Variants in OBI1 observed in about 807,000 individuals in gnomAD.
The protein encoded by OBI1 is ring finger protein 219.
In OBI1, 59 loss-of-function variants were observed where a neutral mutation model predicts 62.4. That is an observed-to-expected ratio of 0.95 (90% CI 0.77 to 1.17). The LOEUF (loss-of-function observed/expected upper bound fraction) is 1.17, where lower values mean the gene tolerates loss of function less well. Ranked by LOEUF, OBI1 falls within the 50% of genes most tolerant of loss-of-function variation. The probability of loss-of-function intolerance (pLI) is 0.00; values close to 1 mark genes in which losing one functional copy is unlikely to be tolerated. For synonymous variants in OBI1, 302 were observed against 292.8 expected, an observed-to-expected ratio of 1.03 and a Z score of -0.32; for missense variants, 875 against 830.9, an observed-to-expected ratio of 1.05 and a Z score of -0.65.
intron 3 of OBI1, 91 bp from the exon 4 acceptor site, chr13:78,639,162 G>C: frequency 7.5e-7 from 1 of 1,335,638 alleles, no homozygotes; most frequent in Non-Finnish European, 1.0e-6. Flanking sequence ...TTTGAATTTT[G>C]TACTTAAAAT....
Position 78,615,629 on chromosome 13 carries a change from A to G in OBI1, c.2132T>C (p.Ile711Thr), listed in dbSNP as rs1727825429. The G allele has an allele frequency of 1.9e-6, 3 of 1,613,288 alleles. No homozygotes were observed. The highest frequency in any genetic ancestry group is 2.5e-6 in the Non-Finnish European group (3 of 1,179,782). ...GCTGGCACTGGAAAGGCTGCTCTGG[A>G]TTTTTCTTTTTGTTGATTGATTCAC... Reference protein sequence around the residue: ...KNVNQSTKRKIQSSLSSASPS... With the variant: ...KNVNQSTKRKTQSSLSSASPS... The change falls in exon 6 of 6, where the codon ATC becomes ACC. Residue 711 changes from isoleucine to threonine, a missense_variant. Physicochemically the swap from Ile to Thr is moderately conservative, Grantham distance 89. Coordinates refer to ENST00000282003, the MANE Select transcript of OBI1 (RefSeq NM_024546.4).
intron 1 of OBI1, among the ~76,000 whole-genome samples, chr13:78,650,809 C>T (rs754014125): frequency 1.3e-5 from 2 of 151,984 alleles, no homozygotes; most frequent in Non-Finnish European, 2.9e-5. Context: ...TATAAGGATC[C>T]TGCAGCTGCC....
At chr13:78,659,026 C>G in intron 1 of OBI1, 23 bp downstream of exon 1, 2 of 1,607,934 alleles carry the variant, frequency 1.2e-6, no homozygotes, top group South Asian at 1.1e-5. Flanking sequence ...CGTTTTGTAG[C>G]TGTGCCCACA....
intron 4 of OBI1, among the ~76,000 whole-genome samples, chr13:78,635,761 T>C (rs1239004535): frequency 1.3e-5 from 2 of 152,164 alleles, no homozygotes; most frequent in African/African-American, 4.8e-5. Context: ...TCTATCTATG[T>C]ATCTATTTAT....
rs1875189896 is a variant in OBI1 at position 78,614,761 on chromosome 13, AG to A, written c.*818del. 6.6e-6 allele frequency: 1 copy of A among 152,242 alleles called. No individual in the cohort carries two copies. Among genetic ancestry groups the A allele is most frequent in the Non-Finnish European group, 1.5e-5 (1 of 68,046 alleles). 9.4% of individuals were successfully genotyped at this position (152,242 alleles called of 1,614,324 possible). A position where few individuals can be genotyped will look rare whatever the true frequency, so the allele number is the denominator to read the frequency against. On this transcript the variant is annotated 3_prime_UTR_variant, in exon 6 of 6. Coordinates refer to ENST00000282003, the MANE Select transcript of OBI1 (RefSeq NM_024546.4). ...TGGAACAATGAAGCTATGATGTTTT[AG>A]GTTCCTCTAAACCCAAGTGCTCCAT...
intron 1 of OBI1, among the ~76,000 whole-genome samples, chr13:78,647,261 T>C (rs1010779941): frequency 1.3e-5 from 2 of 152,204 alleles, no homozygotes; most frequent in Non-Finnish European, 2.9e-5. Context: ...GAAGGCCCCT[T>C]GCAGTTGAGA....
chr13:78,638,752 T>C lies in OBI1; in HGVS notation c.549+71A>G, dbSNP rs113168992. On this transcript the variant is annotated intron_variant, in intron 4 of 5. Coordinates refer to ENST00000282003, the MANE Select transcript of OBI1 (RefSeq NM_024546.4). ...CATCTGATGATGAGTCAAGATAATA[T>C]GGCTATTTATGCTTTTGAAGGTACT... 5.7e-4 allele frequency: 762 copies of C among 1,328,486 alleles called. 1 individual carries two copies. In the African/African-American group the frequency reaches 7.2e-3, roughly 13 times the overall value. The allele number at this position is 1,328,486 out of a possible 1,614,324, so 82.3% of individuals were successfully genotyped here.
chr13:78,621,121 T>C (rs1875498820), intron 5 of OBI1, among the ~76,000 whole-genome samples: 1 of 152,238 alleles, frequency 6.6e-6, no homozygotes, highest in Non-Finnish European at 1.5e-5. Flanking sequence ...GCGAAAGCTA[T>C]CTTTGGACCT....
At chr13:78,654,239 T>G (rs923777003) in intron 1 of OBI1, among the ~76,000 whole-genome samples, 1 of 152,188 alleles carries the variant, frequency 6.6e-6, no homozygotes, top group Non-Finnish European at 1.5e-5. Flanking sequence ...CTAGGATACA[T>G]CTACGATTTT....
At chr13:78,642,886 CAAAAA>C (rs34161628) in intron 2 of OBI1, among the ~76,000 whole-genome samples, 1 of 143,946 alleles carries the variant, frequency 6.9e-6, no homozygotes, top group African/African-American at 2.6e-5. Context: ...GACTCCGTCT[CAAAAA>C]AAAAAAAAGT....
chr13:78,626,820 A>G (rs1044147533), intron 5 of OBI1, among the ~76,000 whole-genome samples: 2 of 152,206 alleles, frequency 1.3e-5, no homozygotes, highest in African/African-American at 4.8e-5. Flanking sequence ...GTAATCCCAG[A>G]CTTTGGGAGG....
intron 3 of OBI1, among the ~76,000 whole-genome samples, chr13:78,640,582 T>C (rs2137455376): frequency 6.6e-6 from 1 of 152,182 alleles, no homozygotes; most frequent in South Asian, 2.1e-4. Context: ...GTGGGCCAGC[T>C]GAGGTCAGGA....
At position 78,638,874 on chromosome 13, in the gene OBI1, T is replaced by A; in HGVS notation, c.498A>T (p.Thr166=). 1 of 1,613,844 alleles carries A rather than the reference T, an allele frequency of 6.2e-7. No individual in the cohort carries two copies. Among genetic ancestry groups the A allele is most frequent in the Middle Eastern group, 1.7e-4 (1 of 6,058 alleles). Residue 166 remains threonine, a synonymous_variant, in exon 4 of 6, where the codon ACA becomes ACT. Coordinates refer to ENST00000282003, the MANE Select transcript of OBI1 (RefSeq NM_024546.4). ...TCACTTTTTCATAGATTTCATTAGC[T>A]GTTCTGAGTTTTTTCTTCCACTCTG... The part of the protein sequence containing the change: ...TVAEWKKKLR[T]ANEIYEKVKD...
rs1876809379 is a variant in OBI1, at chr13:78,659,137, C to T, written c.-17G>A. 2 of 1,608,100 alleles carry T rather than the reference C, an allele frequency of 1.2e-6. No homozygotes were observed. The highest frequency in any genetic ancestry group is 1.7e-6 in the Non-Finnish European group (2 of 1,177,316). ...CTGAGCCATGGCAGCGTTCAGAATC[C>T]CGCCAACACGGAAGTCCCGCCGACC... On this transcript the variant is annotated 5_prime_UTR_variant, in exon 1 of 6. Coordinates refer to ENST00000282003, the MANE Select transcript of OBI1 (RefSeq NM_024546.4).
intron 1 of OBI1, among the ~76,000 whole-genome samples, chr13:78,647,976 T>C (rs182618678): frequency 7.1e-6 from 1 of 140,526 alleles, no homozygotes; most frequent in Admixed American, 6.9e-5. Flanking sequence ...GTTTGACAGA[T>C]TCATTAAAAA....
intron 1 of OBI1, among the ~76,000 whole-genome samples, chr13:78,656,341 TGGGAGG>T (rs1336185572): frequency 6.8e-6 from 1 of 147,412 alleles, no homozygotes; most frequent in Non-Finnish European, 1.5e-5. Context: ...CCCAGCACTT[TGGGAGG>T]CCGAGGCGGG....
chr13:78,650,874 C>T (rs1876523230), intron 1 of OBI1, among the ~76,000 whole-genome samples: 2 of 152,140 alleles, frequency 1.3e-5, no homozygotes, highest in Non-Finnish European at 2.9e-5. Context: ...CACACCCTCC[C>T]ACCTAAGTTA....
chr13:78,638,714 T>C, intron 4 of OBI1, 109 bp downstream of exon 4: 1 of 1,021,356 alleles, frequency 9.8e-7, no homozygotes, highest in Non-Finnish European at 1.4e-6. Context: ...GATTCTGTCC[T>C]TTCCTCACAA....
intron 1 of OBI1, among the ~76,000 whole-genome samples, chr13:78,646,824 C>T (rs1566285737): frequency 6.6e-6 from 1 of 152,154 alleles, no homozygotes; most frequent in Non-Finnish European, 1.5e-5. Context: ...AAAGAGAGAT[C>T]AGACTGTTAC....
Sources: allele counts gnomAD v4.1 joint callset (sites outside exome capture counted in the v4.1 genomes callset), GRCh38; gene constraint gnomAD v4.1.1; transcripts MANE v1.5; gene names NCBI Gene and HGNC (gene_info 2026-07-23, HGNC 2026-07-21).